Variants in TRIM34 observed in about 807,000 individuals in gnomAD.
TRIM34 encodes the protein tripartite motif containing 34, also known as E3 ubiquitin-protein ligase TRIM34.
A neutral mutation model predicts 38.1 loss-of-function variants in TRIM34; 41 were observed. The observed-to-expected ratio is 1.08, with a 90% CI of 0.84 to 1.40. The LOEUF (loss-of-function observed/expected upper bound fraction) is 1.40, where lower values mean the gene tolerates loss of function less well. Ranked by LOEUF, TRIM34 falls within the 40% of genes most tolerant of loss-of-function variation. The pLI, the probability that TRIM34 is intolerant of heterozygous loss-of-function variation, is 0.00. For missense variants in TRIM34, 556 were observed against 571.4 expected, an observed-to-expected ratio of 0.97 and a Z score of 0.27; for synonymous variants, 200 against 202.5, an observed-to-expected ratio of 0.99 and a Z score of 0.10.
upstream of TRIM34, among the ~76,000 whole-genome samples, chr11:5,622,701 A>G (rs371219158): frequency 6.6e-6 from 1 of 152,206 alleles, no homozygotes; most frequent in African/African-American, 2.4e-5. Context: ...TGTCATCCAC[A>G]CAGAACTGAT....
At position 5,632,493 on chromosome 11, in the gene TRIM34, C is replaced by A; in HGVS notation, c.162C>A (p.Ser54Arg). ...CAGTGACCAGCATGGGAGGAAAAAG[C>A]AGCTGTCCTGTGTGTGGTATCAGTT... ...KEAVTSMGGK[S>R]SCPVCGISYS... The change falls in exon 2 of 8, where the codon AGC becomes AGA. Residue 54 changes from serine to arginine, a missense_variant. By Grantham distance (110) the Ser-to-Arg change is moderately radical (BLOSUM62 -1). Coordinates refer to ENST00000429814, the MANE Select transcript of TRIM34 (RefSeq NM_021616.6). 1 of 1,614,036 alleles carries A rather than the reference C, an allele frequency of 6.2e-7. No homozygotes were observed. The highest frequency in any genetic ancestry group is 8.5e-7 in the Non-Finnish European group (1 of 1,180,008).
chr11:5,639,568 T>TA (rs1327037152), intron 4 of TRIM34, among the ~76,000 whole-genome samples: 1 of 148,920 alleles, frequency 6.7e-6, no homozygotes, highest in African/African-American at 2.5e-5. Context: ...TAGTCCCAGG[T>TA]ACTTGGGAGG....
chr11:5,623,495 G>T (rs1849070437), upstream of TRIM34, among the ~76,000 whole-genome samples: 1 of 150,786 alleles, frequency 6.6e-6, no homozygotes, highest in Non-Finnish European at 1.5e-5. Flanking sequence ...AGCCTCCTGA[G>T]TAGCTGGGAT....
At chr11:5,622,953 G>A (rs748703333), upstream of TRIM34, among the ~76,000 whole-genome samples, 5 of 152,216 alleles carry the variant, frequency 3.3e-5, no homozygotes, top group East Asian at 1.9e-4. Flanking sequence ...ATATATGTCC[G>A]CAAAGGCGGG....
intron 1 of TRIM34, among the ~76,000 whole-genome samples, chr11:5,630,494 G>A (rs947005985): frequency 6.6e-6 from 1 of 152,180 alleles, no homozygotes; most frequent in African/African-American, 2.4e-5. Flanking sequence ...CTCATGTGAG[G>A]CCAAGGCCTA....
chr11:5,632,685 T>G lies in TRIM34; in HGVS notation c.354T>G (p.Leu118=), dbSNP rs761773498. Residue 118 remains leucine (L), a synonymous_variant, in exon 2 of 8, where the codon CTT becomes CTG. Coordinates refer to ENST00000429814, the MANE Select transcript of TRIM34 (RefSeq NM_021616.6). ...AGGATAGGAAAGTCATTTGCTGGCT[T>G]TGTGAGCGGTCTCAGGAGCACCGTG... The part of the protein sequence containing the change: ...CKEDRKVICW[L]CERSQEHRGH... The G allele has an allele frequency of 6.2e-7, 1 of 1,612,552 alleles. No individual in the cohort carries two copies. Among genetic ancestry groups the G allele is most frequent in the Admixed American group, 1.7e-5 (1 of 59,738 alleles).
upstream of TRIM34, among the ~76,000 whole-genome samples, chr11:5,620,771 T>C (rs7939159): frequency 0.29 from 43,735 of 152,020 alleles, 6,352 homozygotes; most frequent in East Asian, 0.3. Context: ...GCTTCTTCTT[T>C]CCATTAAGTG....
intron 4 of TRIM34, among the ~76,000 whole-genome samples, chr11:5,636,629 G>A (rs1849745715): frequency 6.6e-6 from 1 of 152,086 alleles, no homozygotes; most frequent in Non-Finnish European, 1.5e-5. Context: ...AAAGAACACT[G>A]TGTTTATGTC....
intron 4 of TRIM34, 54 bp downstream of exon 4, chr11:5,634,915 C>T: frequency 6.4e-7 from 1 of 1,566,130 alleles, no homozygotes; most frequent in Non-Finnish European, 8.7e-7. Flanking sequence ...CTCCTGTGTC[C>T]TTGCGTTCTC....
Position 5,644,061 on chromosome 11 carries a change from A to C in TRIM34, c.*352A>C. ...TAGGTAGTCCATAGGAACCACCCCC[A>C]TGACCACCACCAACATCAACTAAAG... is the stretch of plus-strand genomic sequence containing the variant. On this transcript the variant is annotated 3_prime_UTR_variant, in exon 8 of 8. Coordinates refer to ENST00000429814, the MANE Select transcript of TRIM34 (RefSeq NM_021616.6). The C allele has an allele frequency of 2.4e-6, 1 of 416,224 alleles. No individual in the cohort carries two copies. The highest frequency in any genetic ancestry group is 4.2e-6 in the Non-Finnish European group (1 of 237,746). The allele number at this position is 416,224 out of a possible 1,614,324, so 25.8% of individuals were successfully genotyped here.
At chr11:5,635,315 G>C (rs1849688248) in intron 4 of TRIM34, among the ~76,000 whole-genome samples, 1 of 150,188 alleles carries the variant, frequency 6.7e-6, no homozygotes, top group South Asian at 2.1e-4. Context: ...GAGTGCAGTG[G>C]TGCGATCTCG....
intron 1 of TRIM34, among the ~76,000 whole-genome samples, chr11:5,628,798 C>G (rs1431568720): frequency 1.6e-5 from 2 of 127,598 alleles, no homozygotes; most frequent in African/African-American, 5.1e-5. Flanking sequence ...AAGATGGCGG[C>G]AAAGTTGATT....
intron 1 of TRIM34, among the ~76,000 whole-genome samples, chr11:5,630,026 G>C (rs970585919): frequency 1.3e-5 from 2 of 152,020 alleles, no homozygotes; most frequent in East Asian, 1.9e-4. Context: ...TTCTTACGGT[G>C]GTACAAGACC....
intron 1 of TRIM34, among the ~76,000 whole-genome samples, chr11:5,628,332 A>G (rs575273882): frequency 5.8e-4 from 88 of 152,368 alleles, no homozygotes; most frequent in African/African-American, 2.1e-3. Flanking sequence ...TGGTTGGCTC[A>G]TGGCTTTAGC....
At chr11:5,633,752 C>A in intron 2 of TRIM34, 52 bp from the exon 3 acceptor site, 1 of 1,559,934 alleles carries the variant, frequency 6.4e-7, no homozygotes, top group Non-Finnish European at 8.7e-7. Flanking sequence ...GTCCTCTATC[C>A]AGATACTAAG....
chr11:5,643,126 T>TATATATAGA lies in TRIM34; in HGVS notation c.902-18_902-17insATATATAGA, dbSNP rs59472811. On this transcript the variant is annotated splice_polypyrimidine_tract_variant and intron_variant, in intron 7 of 7. Coordinates refer to ENST00000429814, the MANE Select transcript of TRIM34 (RefSeq NM_021616.6). The stretch of plus-strand genomic sequence containing the variant: ...TTATATTCATATACATATATATATA[T>TATATATAGA]TTTTTTTTTTCTTGCAGTGGATGTC... 4,095 of 1,115,972 alleles carry TATATATAGA rather than the reference T, an allele frequency of 3.7e-3. 70 individuals carry two copies. The highest frequency in any genetic ancestry group is 3.4e-3 in the Non-Finnish European group (2,922 of 868,780). The allele number at this position is 1,115,972 out of a possible 1,614,324, so 69.1% of individuals were successfully genotyped here. A position where few individuals can be genotyped will look rare whatever the true frequency, so the allele number is the denominator to read the frequency against.
At chr11:5,631,886 A>G (rs1287219237) in intron 1 of TRIM34, among the ~76,000 whole-genome samples, 1 of 152,196 alleles carries the variant, frequency 6.6e-6, no homozygotes, top group East Asian at 1.9e-4. Context: ...GTGGACATTT[A>G]AAAATAGATA....
At chr11:5,637,042 G>A (rs1000514974) in intron 4 of TRIM34, among the ~76,000 whole-genome samples, 2 of 152,172 alleles carry the variant, frequency 1.3e-5, no homozygotes, top group African/African-American at 2.4e-5. Flanking sequence ...TGGTGATGGC[G>A]GCTGCCTGTA....
intron 5 of TRIM34, 67 bp from the exon 6 acceptor site, chr11:5,642,339 C>T (rs1430785585): frequency 2.1e-6 from 3 of 1,424,584 alleles, no homozygotes; most frequent in South Asian, 1.2e-5. Flanking sequence ...GAGATGAAAC[C>T]AGTGATGTGG....
Sources: gnomAD v4.1 joint callset for allele counts (sites outside exome capture counted in the v4.1 genomes callset) on GRCh38, gnomAD v4.1.1 for gene constraint, MANE v1.5 for transcripts, NCBI Gene and HGNC (gene_info 2026-07-23, HGNC 2026-07-21) for gene names.